DOCK3: variants seen among roughly 807,000 people sequenced by gnomAD.
DOCK3 encodes the protein dedicator of cytokinesis 3, also known as dedicator of cytokinesis protein 3.
DOCK3 carries 60 observed loss-of-function variants against 265.6 expected under a neutral mutation model. The observed-to-expected ratio is 0.23, with a 90% CI of 0.18 to 0.28. DOCK3 has a LOEUF of 0.28. Among genes scored for constraint, DOCK3 ranks in the 10% least tolerant of loss-of-function variants. DOCK3 has a pLI of 1.00. For missense variants in DOCK3, 1,981 were observed against 2,594.3 expected, an observed-to-expected ratio of 0.76 and a Z score of 5.14; for synonymous variants, 881 against 938.0, an observed-to-expected ratio of 0.94 and a Z score of 1.11.
At chr3:51,251,145 T>G (rs980627272) in intron 22 of DOCK3, among the ~76,000 whole-genome samples, 1 of 152,218 alleles carries the variant, frequency 6.6e-6, no homozygotes, top group African/African-American at 2.4e-5. Context: ...TTGCGATAGT[T>G]TGCTCAGAAT....
At chr3:50,830,632 G>C (rs886211964) in intron 2 of DOCK3, among the ~76,000 whole-genome samples, 6 of 152,156 alleles carry the variant, frequency 3.9e-5, no homozygotes, top group African/African-American at 1.4e-4. Context: ...GGCCTGATCT[G>C]TATAGAGGCT....
chr3:50,970,073 AAAAAGAAAAG>A lies in DOCK3; in HGVS notation c.315+36016_315+36025del, dbSNP rs143144467. ...AGCAACAGAGCAAGACTCCATCTTAAAAAAGAAAAGAAAAGAAAAGAAAAGAAAAAAACTA... is the reference window on the plus strand; with the variant it reads ...AGCAACAGAGCAAGACTCCATCTTAAAAAAGAAAAGAAAAGAAAAAAACTA... On this transcript the variant is annotated intron_variant, in intron 5 of 52. Coordinates refer to ENST00000266037, the MANE Select transcript of DOCK3 (RefSeq NM_004947.5). 7.8e-4 allele frequency among the ~76,000 whole-genome samples: 118 copies of A among 151,760 alleles called. 1 individual carries two copies. Among genetic ancestry groups the A allele is most frequent in the African/African-American group, 2.4e-3 (100 of 41,456 alleles).
rs149714018 is a variant in DOCK3 at position 50,696,741 on chromosome 3, C to T, written c.37+21441C>T. ...GATCTGTTAAGTGCTATGGGAAACC[C>T]GCATATGCACAAGTAAAATTTTACT... On this transcript the variant is annotated intron_variant, in intron 1 of 52. Transcript: ENST00000266037. 8.1e-4 allele frequency among the ~76,000 whole-genome samples: 124 copies of T among 152,148 alleles called. 1 individual carries two copies. Among genetic ancestry groups the T allele is most frequent in the African/African-American group, 2.7e-3 (111 of 41,486 alleles).
At chr3:51,310,187 A>G (rs1576752347) in intron 27 of DOCK3, 45 bp from the exon 28 acceptor site, 5 of 1,487,936 alleles carry the variant, frequency 3.4e-6, no homozygotes, top group South Asian at 1.2e-5. Flanking sequence ...GAGGAGATGC[A>G]TATTGTGGTG....
chr3:50,950,755 G>A (rs1184530876), intron 5 of DOCK3, among the ~76,000 whole-genome samples: 1 of 152,136 alleles, frequency 6.6e-6, no homozygotes, highest in East Asian at 1.9e-4. Flanking sequence ...CCCAGGGATT[G>A]GCAGGTGCTC....
intron 7 of DOCK3, among the ~76,000 whole-genome samples, chr3:51,087,348 T>A (rs1194624319): frequency 6.6e-6 from 1 of 152,228 alleles, no homozygotes; most frequent in East Asian, 1.9e-4. Flanking sequence ...AATCAATCAG[T>A]GTGATACATC....
At chr3:50,806,757 A>G (rs147722528) in intron 2 of DOCK3, among the ~76,000 whole-genome samples, 1 of 152,076 alleles carries the variant, frequency 6.6e-6, no homozygotes, top group Non-Finnish European at 1.5e-5. Context: ...TGCAGTGGCT[A>G]CTGTACCCAA....
chr3:51,191,091 A>G (rs1469930773), intron 12 of DOCK3, among the ~76,000 whole-genome samples: 2 of 152,060 alleles, frequency 1.3e-5, no homozygotes, highest in African/African-American at 4.8e-5. Context: ...GCTAAGTTCC[A>G]GGCTGTCTAC....
chr3:51,165,943 A>AAT (rs1169070426), intron 12 of DOCK3, among the ~76,000 whole-genome samples: 6 of 151,130 alleles, frequency 4.0e-5, no homozygotes, highest in African/African-American at 1.5e-4. Flanking sequence ...TAATAAAGAA[A>AAT]ATATATAATT....
chr3:51,356,195 G>A lies in DOCK3; in HGVS notation c.4356G>A (p.Arg1452=), dbSNP rs1278421686. ...GCTTCTATCGCGTCAACAATGTGAG[G>A]AAGTTCCGGTATGACAGGCCTTTTC... ...VKSFYRVNNV[R]KFRYDRPFHK... The change falls in exon 42 of 53, where the codon AGG becomes AGA. Residue 1452 remains arginine (R), a synonymous_variant. Coordinates refer to ENST00000266037, the MANE Select transcript of DOCK3 (RefSeq NM_004947.5). 1 of 1,614,008 alleles carries A rather than the reference G, an allele frequency of 6.2e-7. No homozygotes were observed. Among genetic ancestry groups the A allele is most frequent in the African/African-American group, 1.3e-5 (1 of 75,036 alleles).
rs543656875 is a variant in DOCK3 at position 50,879,477 on chromosome 3, A to G, written c.163-10549A>G. On this transcript the variant is annotated intron_variant, in intron 3 of 52. Coordinates refer to ENST00000266037, the MANE Select transcript of DOCK3 (RefSeq NM_004947.5). ...AAACAAAAAAAAGGAAGGGGTTGCA[A>G]TCCTAGTCTCTGATAAAACAGACTT... Among the ~76,000 whole-genome samples the G allele has an allele frequency of 3.3e-4, 50 of 152,278 alleles. No homozygotes were observed. In the South Asian group the frequency reaches 5.2e-3, roughly 16 times the overall value.
At chr3:51,114,165 G>A (rs1408974924) in intron 9 of DOCK3, among the ~76,000 whole-genome samples, 1 of 152,082 alleles carries the variant, frequency 6.6e-6, no homozygotes, top group Non-Finnish European at 1.5e-5. Flanking sequence ...AAGAAGTCTA[G>A]GCCAGAGATT....
chr3:51,323,399 A>G (rs1476122545), intron 32 of DOCK3, among the ~76,000 whole-genome samples: 1 of 152,232 alleles, frequency 6.6e-6, no homozygotes, highest in Non-Finnish European at 1.5e-5. Context: ...TCAACAGAAT[A>G]TACATTCTTC....
intron 10 of DOCK3, among the ~76,000 whole-genome samples, chr3:51,158,591 C>G (rs2085975569): frequency 6.6e-6 from 1 of 152,266 alleles, no homozygotes; most frequent in African/African-American, 2.4e-5. Context: ...ATTTTCATAA[C>G]TCTTTGGTTT....
intron 5 of DOCK3, among the ~76,000 whole-genome samples, chr3:51,016,574 T>TTTATATATATCATATATGATATATATA (rs2079270456): frequency 1.1e-5 from 1 of 91,566 alleles, no homozygotes; most frequent in African/African-American, 4.6e-5. Flanking sequence ...TATATATATA[T>TTTATATATATCATATATGATATATATA]TTATATATAT....
intron 9 of DOCK3, among the ~76,000 whole-genome samples, chr3:51,112,313 T>A (rs2083555548): frequency 6.6e-6 from 1 of 152,048 alleles, no homozygotes; most frequent in African/African-American, 2.4e-5. Flanking sequence ...AGAGAAAAAA[T>A]TATAAGTAAA....
intron 9 of DOCK3, among the ~76,000 whole-genome samples, chr3:51,104,697 A>G (rs2083211470): frequency 6.6e-6 from 1 of 152,150 alleles, no homozygotes. Flanking sequence ...AACACTTATA[A>G]TCTGAGAAAA....
intron 2 of DOCK3, among the ~76,000 whole-genome samples, chr3:50,838,896 G>A (rs946033852): frequency 2.3e-4 from 35 of 152,172 alleles, no homozygotes; most frequent in Admixed American, 2.0e-4. Context: ...AAAGCTTGTA[G>A]CAGAGTTGCA....
At chr3:50,749,077 G>A (rs1010053075) in intron 1 of DOCK3, among the ~76,000 whole-genome samples, 2 of 152,146 alleles carry the variant, frequency 1.3e-5, no homozygotes, top group African/African-American at 4.8e-5. Context: ...GGGATAATGT[G>A]TGTGATATGC....
Sources: gnomAD v4.1 joint callset for allele counts (sites outside exome capture counted in the v4.1 genomes callset) on GRCh38, gnomAD v4.1.1 for gene constraint, MANE v1.5 for transcripts, NCBI Gene and HGNC (gene_info 2026-07-23, HGNC 2026-07-21) for gene names.